DPP10: variants seen among roughly 807,000 people sequenced by gnomAD.
The protein encoded by DPP10 is dipeptidyl peptidase like 10.
A neutral mutation model predicts 120.9 loss-of-function variants in DPP10; 33 were observed. The observed-to-expected ratio is 0.27, with a 90% CI of 0.21 to 0.37. The LOEUF (loss-of-function observed/expected upper bound fraction) is 0.37, where lower values mean the gene tolerates loss of function less well. Ranked by LOEUF, DPP10 falls within the 10% of genes least tolerant of loss-of-function variation. The probability of loss-of-function intolerance (pLI) is 1.00; values close to 1 mark genes in which losing one functional copy is unlikely to be tolerated. For missense variants in DPP10, 816 were observed against 942.8 expected (o/e 0.87, Z 1.76); for synonymous variants, 337 against 326.1 (o/e 1.03, Z -0.36).
chr2:115,749,418 T>C (rs1049311738), intron 10 of DPP10, among the ~76,000 whole-genome samples: 1 of 152,198 alleles, frequency 6.6e-6, no homozygotes, highest in Non-Finnish European at 1.5e-5. Context: ...CTGTAGTCAC[T>C]TATCTTTTGT....
At chr2:114,844,278 C>G (rs1010699680) in intron 1 of DPP10, among the ~76,000 whole-genome samples, 1 of 152,020 alleles carries the variant, frequency 6.6e-6, no homozygotes, top group Non-Finnish European at 1.5e-5. Flanking sequence ...TCTGCTAATG[C>G]CCAAATAATA....
intron 15 of DPP10, among the ~76,000 whole-genome samples, chr2:115,778,429 C>A (rs1575752062): frequency 6.6e-6 from 1 of 151,988 alleles, no homozygotes; most frequent in Non-Finnish European, 1.5e-5. Context: ...AAACTATACT[C>A]AAAAAAAGGC....
intron 1 of DPP10, among the ~76,000 whole-genome samples, chr2:114,638,434 A>C (rs1695461672): frequency 6.6e-6 from 1 of 151,914 alleles, no homozygotes; most frequent in African/African-American, 2.4e-5. Context: ...TAGGCAAAAA[A>C]CAAATAATCC....
intron 3 of DPP10, chr2:115,467,982 A>G (rs1224858342): frequency 1.1e-5 from 3 of 266,268 alleles, no homozygotes; most frequent in Non-Finnish European, 2.2e-5. Flanking sequence ...AAGGAAATTG[A>G]GCTTTCTGTG....
chr2:114,709,001 C>T (rs934900866), intron 1 of DPP10, among the ~76,000 whole-genome samples: 4 of 152,188 alleles, frequency 2.6e-5, no homozygotes, highest in Non-Finnish European at 5.9e-5. Flanking sequence ...AGGGACCCAC[C>T]CGCCTCTGCC....
At chr2:115,372,506 T>C (rs2065481951) in intron 3 of DPP10, among the ~76,000 whole-genome samples, 1 of 152,294 alleles carries the variant, frequency 6.6e-6, no homozygotes, top group Admixed American at 6.5e-5. Context: ...AGAGCCAAGA[T>C]TGATTCTGTT....
At chr2:115,194,267 C>G (rs980248211) in intron 1 of DPP10, among the ~76,000 whole-genome samples, 1 of 152,076 alleles carries the variant, frequency 6.6e-6, no homozygotes, top group South Asian at 2.1e-4. Flanking sequence ...TCTTGTTGCC[C>G]GAGCTAGAGT....
At chr2:114,505,338 A>G (rs1300737002) in intron 1 of DPP10, among the ~76,000 whole-genome samples, 2 of 152,104 alleles carry the variant, frequency 1.3e-5, no homozygotes, top group Non-Finnish European at 2.9e-5. Context: ...GTAGAAGATA[A>G]AGGTTATTTT....
intron 1 of DPP10, among the ~76,000 whole-genome samples, chr2:115,092,967 G>T (rs1343855686): frequency 6.6e-6 from 1 of 152,150 alleles, no homozygotes; most frequent in Non-Finnish European, 1.5e-5. Context: ...TGTTGTAGAA[G>T]TTGTTAATAA....
At chr2:115,401,204 A>G (rs145174531) in intron 3 of DPP10, among the ~76,000 whole-genome samples, 1 of 152,300 alleles carries the variant, frequency 6.6e-6, no homozygotes, top group African/African-American at 2.4e-5. Context: ...ACCACTCACT[A>G]ATAAATGTGA....
intron 1 of DPP10, among the ~76,000 whole-genome samples, chr2:114,535,075 G>A (rs368269549): frequency 8.4e-6 from 1 of 118,518 alleles, no homozygotes; most frequent in Admixed American, 9.8e-5. Context: ...CTTCCCATTT[G>A]CAAGAGTTTG....
chr2:114,543,267 G>C (rs1038474341), intron 1 of DPP10, among the ~76,000 whole-genome samples: 3 of 152,094 alleles, frequency 2.0e-5, no homozygotes, highest in South Asian at 2.1e-4. Flanking sequence ...AAGCACTGGC[G>C]ACGTCTTGTT....
intron 2 of DPP10, among the ~76,000 whole-genome samples, chr2:115,334,972 A>G (rs576554938): frequency 1.3e-5 from 2 of 151,642 alleles, no homozygotes; most frequent in Non-Finnish European, 2.9e-5. Context: ...GCTGATAAAG[A>G]TATACCCGAG....
chr2:115,636,479 G>C (rs1008747426), intron 5 of DPP10, among the ~76,000 whole-genome samples: 1 of 151,964 alleles, frequency 6.6e-6, no homozygotes, highest in Non-Finnish European at 1.5e-5. Context: ...ATTCTTGGGA[G>C]GCCCATACTT....
chr2:114,788,519 G>T (rs1682962792), intron 1 of DPP10, among the ~76,000 whole-genome samples: 1 of 151,688 alleles, frequency 6.6e-6, no homozygotes, highest in Admixed American at 6.6e-5. Flanking sequence ...GAGTTCAAGT[G>T]ATTCTCCTGC....
chr2:115,267,886 T>G (rs1346639408), intron 1 of DPP10, among the ~76,000 whole-genome samples: 1 of 152,200 alleles, frequency 6.6e-6, no homozygotes, highest in Non-Finnish European at 1.5e-5. Context: ...AATTTATGTG[T>G]GTCCACTCAT....
chr2:114,668,950 C>A (rs1698136371), intron 1 of DPP10, among the ~76,000 whole-genome samples: 1 of 152,080 alleles, frequency 6.6e-6, no homozygotes, highest in Non-Finnish European at 1.5e-5. Context: ...ATGTAAATAT[C>A]ATGTTCTCTT....
chr2:114,443,422 T>C (rs1317599743), intron 1 of DPP10, among the ~76,000 whole-genome samples: 5 of 152,196 alleles, frequency 3.3e-5, no homozygotes, highest in Non-Finnish European at 7.4e-5. Flanking sequence ...CACTCTTCAA[T>C]GCAGGTGTTG....
intron 1 of DPP10, among the ~76,000 whole-genome samples, chr2:114,732,575 G>A (rs1462587291): frequency 6.6e-6 from 1 of 152,156 alleles, no homozygotes; most frequent in African/African-American, 2.4e-5. Context: ...TATGTTGGTG[G>A]TAATTGTGAG....
Sources: allele counts gnomAD v4.1 joint callset (sites outside exome capture counted in the v4.1 genomes callset), GRCh38; gene constraint gnomAD v4.1.1; transcripts MANE v1.5; gene names NCBI Gene and HGNC (gene_info 2026-07-23, HGNC 2026-07-21).